Variants in RANBP2 observed in about 807,000 individuals in gnomAD.
RANBP2 encodes the protein E3 SUMO-protein ligase RanBP2.
A neutral mutation model predicts 303.6 loss-of-function variants in RANBP2; 57 were observed. The ratio of observed to expected loss-of-function variants is 0.19; its 90% CI spans 0.15 to 0.23. The LOEUF is 0.23. Ranked by LOEUF, RANBP2 falls within the 10% of genes least tolerant of loss-of-function variation. The pLI is 1.00. For synonymous variants in RANBP2, 1,167 were observed against 1,301.5 expected, an observed-to-expected ratio of 0.90 and a Z score of 2.23; for missense variants, 3,138 against 3,780.8, an observed-to-expected ratio of 0.83 and a Z score of 4.46.
At chr2:109,074,395 C>T in the RANBP2 span, among the ~76,000 whole-genome samples, 1 of 150,164 alleles carries the variant, frequency 6.7e-6, no homozygotes, top group East Asian at 1.9e-4. Flanking sequence ...CTAAATCTTG[C>T]CCTATCAATA....
At chr2:109,261,871 A>G in the RANBP2 span, among the ~76,000 whole-genome samples, 57 of 151,600 alleles carry the variant, frequency 3.8e-4, no homozygotes, top group South Asian at 5.6e-3. Context: ...TTTTAAATTT[A>G]TTAATTGGGC....
chr2:109,416,534 G>A, the RANBP2 span, among the ~76,000 whole-genome samples: 4 of 152,100 alleles, frequency 2.6e-5, no homozygotes, highest in East Asian at 1.9e-4. Flanking sequence ...ACAGGCGTGC[G>A]CCATCATGCC....
chr2:108,942,769 G>A, the RANBP2 span, among the ~76,000 whole-genome samples: 1 of 152,260 alleles, frequency 6.6e-6, no homozygotes, highest in Admixed American at 6.5e-5. Context: ...CTCTCACGAA[G>A]GTTCGTGCCC....
intron 6 of RANBP2, among the ~76,000 whole-genome samples, chr2:108,739,061 A>G (rs1695855187): frequency 6.6e-6 from 1 of 152,124 alleles, no homozygotes; most frequent in Non-Finnish European, 1.5e-5. Flanking sequence ...ATTCTCATTT[A>G]CTTCCTCTTT....
chr2:109,724,373 C>T, the RANBP2 span, among the ~76,000 whole-genome samples: 1 of 152,158 alleles, frequency 6.6e-6, no homozygotes, highest in African/African-American at 2.4e-5. Flanking sequence ...TGGCCATTTT[C>T]ACGATATTGA....
the RANBP2 span, among the ~76,000 whole-genome samples, chr2:109,426,647 G>A: frequency 6.6e-6 from 1 of 152,184 alleles, no homozygotes; most frequent in East Asian, 1.9e-4. Flanking sequence ...AAAGAGTTTA[G>A]AATAGCACAT....
At chr2:108,875,319 T>A in the RANBP2 span, among the ~76,000 whole-genome samples, 913 of 118,266 alleles carry the variant, frequency 7.7e-3, 35 homozygotes, top group East Asian at 0.032. Context: ...TAAAGTATAA[T>A]AAAAAAAAAA....
the RANBP2 span, among the ~76,000 whole-genome samples, chr2:109,541,891 T>A: frequency 6.6e-6 from 1 of 152,164 alleles, no homozygotes; most frequent in African/African-American, 2.4e-5. Flanking sequence ...CATGTGTGTG[T>A]CCCCATTTCC....
At chr2:109,434,135 A>C in the RANBP2 span, among the ~76,000 whole-genome samples, 2 of 152,186 alleles carry the variant, frequency 1.3e-5, no homozygotes, top group Admixed American at 6.5e-5. Context: ...TCTTCCAGGA[A>C]AGCACAGGTC....
the RANBP2 span, among the ~76,000 whole-genome samples, chr2:109,565,170 A>C: frequency 6.6e-6 from 1 of 152,166 alleles, no homozygotes; most frequent in Non-Finnish European, 1.5e-5. Flanking sequence ...TAAAAATGTT[A>C]TATTTTCTCA....
chr2:108,991,576 A>G, the RANBP2 span, among the ~76,000 whole-genome samples: 1 of 152,226 alleles, frequency 6.6e-6, no homozygotes, highest in East Asian at 1.9e-4. Flanking sequence ...TGCCCCCTTC[A>G]TGAGGTGTGC....
chr2:108,880,110 T>C, the RANBP2 span, among the ~76,000 whole-genome samples: 1 of 150,548 alleles, frequency 6.6e-6, no homozygotes, highest in Non-Finnish European at 1.5e-5. Context: ...ATCAATGAAA[T>C]TGAAAACAGG....
At chr2:109,386,108 A>G in the RANBP2 span, among the ~76,000 whole-genome samples, 1 of 152,220 alleles carries the variant, frequency 6.6e-6, no homozygotes, top group Non-Finnish European at 1.5e-5. Context: ...TCTGGAAGCT[A>G]AGGAACGTGC....
At position 108,754,321 on chromosome 2, in the gene RANBP2, G is replaced by A. The variant is rs555377655; in HGVS notation, c.2202+350G>A. ...AACTTTGCTGAAATTGAAAGTTGTT[G>A]CTGACAACTTAAGAGCATTTCTTCT... On this transcript the variant is annotated intron_variant, in intron 15 of 28. Transcript: ENST00000283195. Among the ~76,000 whole-genome samples, 184 of 151,486 alleles carry A rather than the reference G, an allele frequency of 1.2e-3. 1 individual carries two copies. Among genetic ancestry groups the A allele is most frequent in the African/African-American group, 4.4e-3 (180 of 40,802 alleles).
the RANBP2 span, chr2:108,882,247 A>G: frequency 6.6e-6 from 1 of 152,208 alleles, no homozygotes; most frequent in African/African-American, 2.4e-5. Flanking sequence ...AAAAATGCAA[A>G]TTACCAAAAT....
chr2:109,760,358 C>G, the RANBP2 span: 3 of 174,934 alleles, frequency 1.7e-5, no homozygotes, highest in African/African-American at 7.9e-5. Context: ...GCGGCGGCGG[C>G]GGCGCAGGGC....
the RANBP2 span, among the ~76,000 whole-genome samples, chr2:109,086,484 A>G: frequency 6.6e-6 from 1 of 152,172 alleles, no homozygotes. Context: ...CTCAGGTTGG[A>G]AACTTGCCAA....
At chr2:109,449,155 C>T in the RANBP2 span, 1 of 1,611,320 alleles carries the variant, frequency 6.2e-7, no homozygotes. Context: ...GCTGTCTCTC[C>T]AACCCCGTCT....
the RANBP2 span, chr2:109,585,285 G>A: frequency 2.5e-6 from 4 of 1,607,568 alleles, no homozygotes; most frequent in Admixed American, 6.8e-5. Flanking sequence ...ATTAAACAAT[G>A]TGTCAATCAG....
Sources: gnomAD v4.1 joint callset for allele counts (sites outside exome capture counted in the v4.1 genomes callset) on GRCh38, gnomAD v4.1.1 for gene constraint, MANE v1.5 for transcripts, NCBI Gene and HGNC (gene_info 2026-07-23, HGNC 2026-07-21) for gene names.